BUB1B: variants seen among roughly 807,000 people sequenced by gnomAD.
BUB1B encodes the protein BUB1 mitotic checkpoint serine/threonine kinase B.
Under a neutral mutation model 137.7 loss-of-function variants are expected in BUB1B, and 86 were observed. That is an observed-to-expected ratio of 0.62 (90% CI 0.52 to 0.75). The LOEUF (loss-of-function observed/expected upper bound fraction) is 0.75. BUB1B is among the 30% of genes least tolerant of loss of function. The probability of loss-of-function intolerance (pLI) is 0.00; values close to 1 mark genes in which losing one functional copy is unlikely to be tolerated. For missense variants in BUB1B, 1,130 were observed against 1,236.9 expected, an observed-to-expected ratio of 0.91 and a Z score of 1.30; for synonymous variants, 420 against 417.9, an observed-to-expected ratio of 1.00 and a Z score of -0.06.
At chr15:40,210,585 C>G (rs1267591570) in intron 18 of BUB1B, among the ~76,000 whole-genome samples, 3 of 152,164 alleles carry the variant, frequency 2.0e-5, no homozygotes, top group Admixed American at 6.6e-5. Context: ...TCACGGCTCA[C>G]TGCAGCCTCA....
chr15:40,177,568 T>G (rs1033954377), intron 5 of BUB1B, among the ~76,000 whole-genome samples: 1 of 152,112 alleles, frequency 6.6e-6, no homozygotes. Context: ...TTATTCTATT[T>G]TTTCTACCGA....
rs775688896 is a variant in BUB1B at position 40,204,621 on chromosome 15, A to G, written c.1735-1563A>G. On this transcript the variant is annotated intron_variant, in intron 14 of 22. Transcript: ENST00000287598. ...TTTAATCACATATATAAATACATAT[A>G]TATGTATATATATATTTTTTTCTTT... Among the ~76,000 whole-genome samples, 71 of 151,416 alleles carry G rather than the reference A, an allele frequency of 4.7e-4. No homozygotes were observed. The Middle Eastern group carries it at 0.014, about 29-fold the overall frequency.
At position 40,204,282 on chromosome 15, in the gene BUB1B, C is replaced by G. The variant is rs370093853; in HGVS notation, c.1734+1588C>G. 1.6e-4 allele frequency among the ~76,000 whole-genome samples: 25 copies of G among 152,040 alleles called. No individual in the cohort carries two copies. In the East Asian group the frequency reaches 2.5e-3, roughly 15 times the overall value. On this transcript the variant is annotated intron_variant, in intron 14 of 22. Transcript: ENST00000287598. ...TCTGCTACAGTTAGTCTACTGACTG[C>G]TATGAAAAGACAGTGATGTAAGAGT...
chr15:40,217,861 A>G (rs1443380648), intron 21 of BUB1B, among the ~76,000 whole-genome samples, 194 bp downstream of exon 21: 2 of 152,222 alleles, frequency 1.3e-5, no homozygotes, highest in African/African-American at 4.8e-5. Flanking sequence ...TACATGTGCA[A>G]ACACATGACT....
chr15:40,174,016 C>A (rs1328991499), intron 4 of BUB1B: 15 of 398,752 alleles, frequency 3.8e-5, no homozygotes, highest in Non-Finnish European at 6.7e-5. Context: ...TAAGGGTTAC[C>A]AAAAAAAAGG....
chr15:40,164,095 G>A (rs894994625), intron 1 of BUB1B, among the ~76,000 whole-genome samples: 1 of 152,114 alleles, frequency 6.6e-6, no homozygotes, highest in Non-Finnish European at 1.5e-5. Context: ...GCTAGAATTG[G>A]GTGTGAGGAT....
At chr15:40,208,849 T>C (rs2037672316) in intron 16 of BUB1B, 79 bp downstream of exon 16, 2 of 1,458,154 alleles carry the variant, frequency 1.4e-6, no homozygotes, top group Non-Finnish European at 1.9e-6. Flanking sequence ...GTTTTTCTTT[T>C]TTTGAGACAG....
chr15:40,216,560 T>G (rs1170209017), intron 20 of BUB1B, among the ~76,000 whole-genome samples: 1 of 78,886 alleles, frequency 1.3e-5, no homozygotes, highest in Non-Finnish European at 2.4e-5. Flanking sequence ...TATATATATA[T>G]ATATATATAT....
Position 40,200,957 on chromosome 15 carries a change from G to A in BUB1B, c.1544G>A (p.Trp515Ter). The change falls in exon 12 of 23, where the codon TGG (tryptophan) becomes TAG (stop). Residue 515 changes from tryptophan (W) to a stop codon, truncating the protein, a stop_gained. Transcript: ENST00000287598. LOFTEE classifies it high-confidence loss of function. ...GAAACTTCACTTGCGGAGAACATTT[G>A]GCAGGAACAACCTCATTCTAAAGGT... ...ARETSLAENI[W>*]QEQPHSKGPS... 1.2e-6 allele frequency: 2 copies of A among 1,613,262 alleles called. No individual in the cohort carries two copies. The highest frequency in any genetic ancestry group is 1.3e-5 in the African/African-American group (1 of 75,018).
At chr15:40,185,094 G>A in intron 6 of BUB1B, 71 bp from the exon 7 acceptor site, 1 of 1,279,548 alleles carries the variant, frequency 7.8e-7, no homozygotes, top group Non-Finnish European at 1.1e-6. Flanking sequence ...AGGAAGAATA[G>A]GTATACTTTA....
intron 20 of BUB1B, 66 bp from the exon 21 acceptor site, chr15:40,217,430 A>T: frequency 6.5e-7 from 1 of 1,538,458 alleles, no homozygotes; most frequent in Non-Finnish European, 9.0e-7. Context: ...TTTTTTTTAA[A>T]GACCAGCTAT....
rs1286924073 is a variant in BUB1B, at chr15:40,220,801, G to A, written c.*42G>A. ...TCACAGATTGCTGCCTCAGAGCAATGGTTGTATTGTGGAACACTGAAACTG... is the reference window on the plus strand; with the variant it reads ...TCACAGATTGCTGCCTCAGAGCAATAGTTGTATTGTGGAACACTGAAACTG... On this transcript the variant is annotated 3_prime_UTR_variant, in exon 23 of 23. Coordinates refer to ENST00000287598, the MANE Select transcript of BUB1B (RefSeq NM_001211.6). 7.0e-6 allele frequency: 11 copies of A among 1,576,054 alleles called. No individual in the cohort carries two copies. The highest frequency in any genetic ancestry group is 9.6e-6 in the Non-Finnish European group (11 of 1,145,690).
At chr15:40,200,735 A>T (rs147952720) in intron 11 of BUB1B, among the ~76,000 whole-genome samples, 196 bp from the exon 12 acceptor site, 338 of 152,338 alleles carry the variant, frequency 2.2e-3, no homozygotes, top group Non-Finnish European at 3.7e-3. Flanking sequence ...GCAACTTGAC[A>T]TCTATTATCA....
chr15:40,164,679 T>C (rs919098938), intron 1 of BUB1B, among the ~76,000 whole-genome samples: 3 of 150,816 alleles, frequency 2.0e-5, no homozygotes, highest in South Asian at 2.1e-4. Flanking sequence ...TTTTTTTTTT[T>C]AAAGAAAGAG....
intron 8 of BUB1B, among the ~76,000 whole-genome samples, chr15:40,191,644 T>C (rs2037439186): frequency 6.6e-6 from 1 of 152,220 alleles, no homozygotes; most frequent in Non-Finnish European, 1.5e-5. Flanking sequence ...TTAGCTAATT[T>C]TTGTGTATGG....
chr15:40,170,372 A>G (rs1365887984), intron 3 of BUB1B, among the ~76,000 whole-genome samples, 165 bp from the exon 4 acceptor site: 1 of 152,238 alleles, frequency 6.6e-6, no homozygotes, highest in Non-Finnish European at 1.5e-5. Context: ...AGCATGTACT[A>G]GAGATACTTT....
chr15:40,162,870 C>A (rs2037056204), intron 1 of BUB1B, among the ~76,000 whole-genome samples: 1 of 151,968 alleles, frequency 6.6e-6, no homozygotes. Flanking sequence ...CGTATTAGAT[C>A]ATGGGCATAC....
Position 40,206,477 on chromosome 15 carries a change from G to GT in BUB1B, c.2009+23dup. 5.0e-6 allele frequency: 8 copies of GT among 1,613,980 alleles called. No homozygotes were observed. Among genetic ancestry groups the GT allele is most frequent in the Non-Finnish European group, 6.8e-6 (8 of 1,179,990 alleles). ...AGCTGAGGTGATTGGGGATTTACAGGTTTTACAAACCAGATTGTTTACTCT... is the reference window on the plus strand; with the variant it reads ...AGCTGAGGTGATTGGGGATTTACAGGTTTTTACAAACCAGATTGTTTACTCT... On this transcript the variant is annotated intron_variant, in intron 15 of 22. Coordinates refer to ENST00000287598, the MANE Select transcript of BUB1B (RefSeq NM_001211.6).
At chr15:40,166,340 T>TC (rs1491488671) in intron 2 of BUB1B, 17 of 224,392 alleles carry the variant, frequency 7.6e-5, no homozygotes, top group Admixed American at 3.8e-4. Flanking sequence ...TCTCTCTCTC[T>TC]TTTTTTTTTT....
Sources: allele counts gnomAD v4.1 joint callset (sites outside exome capture counted in the v4.1 genomes callset), GRCh38; gene constraint gnomAD v4.1.1; transcripts MANE v1.5; gene names NCBI Gene and HGNC (gene_info 2026-07-23, HGNC 2026-07-21).